Variants in RIDA observed in about 807,000 individuals in gnomAD.
RIDA encodes reactive intermediate imine deaminase A.
RIDA carries 17 observed loss-of-function variants against 17.8 expected under a neutral mutation model. The ratio of observed to expected loss-of-function variants is 0.96; its 90% CI spans 0.65 to 1.43. The LOEUF is 1.43. RIDA is among the 40% of genes most tolerant of loss of function. The pLI, the probability that RIDA is intolerant of heterozygous loss-of-function variation, is 0.00. For synonymous variants in RIDA, 48 were observed against 55.7 expected, an observed-to-expected ratio of 0.86 and a Z score of 0.62; for missense variants, 158 against 161.7, an observed-to-expected ratio of 0.98 and a Z score of 0.12.
intron 5 of RIDA, among the ~76,000 whole-genome samples, chr8:98,104,056 CT>C (rs772930431): frequency 6.7e-6 from 1 of 149,510 alleles, no homozygotes; most frequent in Non-Finnish European, 1.5e-5. Context: ...CTTTAAGTCC[CT>C]GGGGAAGCAG....
chr8:98,111,554 C>T (rs538778245), intron 1 of RIDA, among the ~76,000 whole-genome samples: 2 of 148,708 alleles, frequency 1.3e-5, no homozygotes. Flanking sequence ...TGTAGTAAGC[C>T]AAGATCACGT....
Position 98,102,818 on chromosome 8 carries a change from C to A in RIDA, c.*24G>T. ...GTAAAAATTAAAATGTTAACAATTC[C>A]AGACTACACAGCACTGGGCCCACTT... On this transcript the variant is annotated 3_prime_UTR_variant, in exon 6 of 6. Transcript: ENST00000254878. 6.6e-7 allele frequency: 1 copy of A among 1,516,520 alleles called. No homozygotes were observed. The highest frequency in any genetic ancestry group is 9.0e-7 in the Non-Finnish European group (1 of 1,114,392). 93.9% of individuals were successfully genotyped at this position (1,516,520 alleles called of 1,614,324 possible).
At chr8:98,104,700 T>C (rs1455274415) in intron 4 of RIDA, among the ~76,000 whole-genome samples, 156 bp from the exon 5 acceptor site, 1 of 152,192 alleles carries the variant, frequency 6.6e-6, no homozygotes, top group Non-Finnish European at 1.5e-5. Context: ...AGTTCTTAGA[T>C]ATAAGCAACA....
intron 1 of RIDA, 112 bp from the exon 2 acceptor site, chr8:98,108,863 G>A: frequency 1.1e-5 from 7 of 614,798 alleles, no homozygotes; most frequent in South Asian, 2.0e-5. Context: ...AAAAAAAACA[G>A]ATACATTGGA....
intron 1 of RIDA, among the ~76,000 whole-genome samples, chr8:98,112,374 G>C (rs1461283862): frequency 2.0e-5 from 3 of 152,158 alleles, no homozygotes. Flanking sequence ...TAAACTCCTT[G>C]AGGTCAGGGT....
chr8:98,116,956 G>T, intron 1 of RIDA, 76 bp downstream of exon 1: 2 of 1,191,542 alleles, frequency 1.7e-6, no homozygotes, highest in Middle Eastern at 2.1e-4. Flanking sequence ...TGGGGCTCCG[G>T]CCCGGAGTGG....
chr8:98,102,854 C>T lies in RIDA; in HGVS notation c.402G>A (p.Thr134=), dbSNP rs11537947. 0.067 allele frequency: 107,785 copies of T among 1,610,618 alleles called. 4,252 individuals carry two copies. The highest frequency in any genetic ancestry group is 0.18 in the Middle Eastern group (1,086 of 6,054). ...GCACTGGGCCCACTTATAGTGATGCCGTTGTCAGTGGTCCTTGGATAGCTA... is the reference window on the plus strand; with the variant it reads ...GCACTGGGCCCACTTATAGTGATGCTGTTGTCAGTGGTCCTTGGATAGCTA... ...EAVAIQGPLT[T]ASL Residue 134 remains threonine (T), a synonymous_variant, in exon 6 of 6, where the codon ACG becomes ACA. Transcript: ENST00000254878.
In RIDA at chr8:98,113,343, CAA is replaced by C. The variant is rs141484566; in HGVS notation, c.65+3687_65+3688del. On this transcript the variant is annotated intron_variant, in intron 1 of 5. Transcript: ENST00000254878. ...CTTCCTGGAGAGGACCCAGGATTTTCAAAAAGTGTACTCACTACACACTCCAC... is the reference window on the plus strand; with the variant it reads ...CTTCCTGGAGAGGACCCAGGATTTTCAAAGTGTACTCACTACACACTCCAC... Among the ~76,000 whole-genome samples the C allele has an allele frequency of 4.2e-3, 640 of 152,262 alleles. 2 individuals carry two copies. The highest frequency in any genetic ancestry group is 0.014 in the African/African-American group (588 of 41,550).
Position 98,117,075 on chromosome 8 carries a change from C to T in RIDA, c.22G>A (p.Val8Met). ...CCTGGGGCTTTCGCGGTGCTGATCA[C>T]CCTTCTGATCAAGGACGACATGGCT... is the stretch of plus-strand genomic sequence containing the variant. Reference protein sequence around the residue: MSSLIRRVISTAKAPGAI... With the variant: MSSLIRRMISTAKAPGAI... The change falls in exon 1 of 6, where the codon GTG (valine) becomes ATG (methionine). Residue 8 changes from valine to methionine, a missense_variant. By Grantham distance (21) the Val-to-Met change is conservative. Coordinates refer to ENST00000254878, the MANE Select transcript of RIDA (RefSeq NM_005836.3). 6.2e-7 allele frequency: 1 copy of T among 1,614,152 alleles called. No individual in the cohort carries two copies. The highest frequency in any genetic ancestry group is 8.5e-7 in the Non-Finnish European group (1 of 1,179,970).
intron 1 of RIDA, chr8:98,113,627 C>T (rs1451039789): frequency 2.0e-5 from 3 of 152,158 alleles, no homozygotes; most frequent in Non-Finnish European, 2.9e-5. Context: ...AGACAGTTGA[C>T]TCCCACCTAC....
intron 1 of RIDA, among the ~76,000 whole-genome samples, chr8:98,112,613 A>G (rs929439445): frequency 1.2e-4 from 18 of 152,244 alleles, no homozygotes; most frequent in Admixed American, 3.9e-4. Flanking sequence ...GAAAGTCTAG[A>G]AAGTCTTCTC....
Position 98,102,685 on chromosome 8 carries a change from A to G in RIDA, c.*157T>C, listed in dbSNP as rs1815575499. Reference sequence around the variant, plus strand: ...ATTCCTTCTCTAATATTCATGTTCAACTCTCCCTATTACATGGTATTTCCA... The same window carrying G: ...ATTCCTTCTCTAATATTCATGTTCAGCTCTCCCTATTACATGGTATTTCCA... On this transcript the variant is annotated 3_prime_UTR_variant, in exon 6 of 6. Coordinates refer to ENST00000254878, the MANE Select transcript of RIDA (RefSeq NM_005836.3). The G allele has an allele frequency of 1.9e-6, 1 of 525,600 alleles. No individual in the cohort carries two copies. The allele number at this position is 525,600 out of a possible 1,614,324, so 32.6% of individuals were successfully genotyped here.
intron 2 of RIDA, 80 bp downstream of exon 2, chr8:98,108,566 T>TC (rs77539382): frequency 0.28 from 248,024 of 876,478 alleles, 36,929 homozygotes; most frequent in Non-Finnish European, 0.31. Flanking sequence ...ATAAAACAAA[T>TC]CAGGCAAGTG....
At chr8:98,111,973 T>C (rs935473816) in intron 1 of RIDA, among the ~76,000 whole-genome samples, 2 of 152,164 alleles carry the variant, frequency 1.3e-5, no homozygotes, top group African/African-American at 4.8e-5. Context: ...AAAACAAATA[T>C]ATATTTTCTC....
At chr8:98,108,870 T>TG (rs1815674323) in intron 1 of RIDA, 119 bp from the exon 2 acceptor site, 7 of 612,252 alleles carry the variant, frequency 1.1e-5, no homozygotes, top group Non-Finnish European at 2.0e-5. Flanking sequence ...ACAGATACAT[T>TG]GGACTTCATG....
chr8:98,111,981 C>A (rs1586216997), intron 1 of RIDA, among the ~76,000 whole-genome samples: 1 of 151,904 alleles, frequency 6.6e-6, no homozygotes. Context: ...TATATATTTT[C>A]TCTCTTCTTT....
chr8:98,103,641 AT>A (rs372281324), intron 5 of RIDA, among the ~76,000 whole-genome samples: 106 of 146,184 alleles, frequency 7.3e-4, no homozygotes, highest in Admixed American at 1.2e-3. Flanking sequence ...TTTTCTCACA[AT>A]TTTTTTTTTT....
At chr8:98,109,283 C>T (rs983887226) in intron 1 of RIDA, among the ~76,000 whole-genome samples, 1 of 151,898 alleles carries the variant, frequency 6.6e-6, no homozygotes, top group Non-Finnish European at 1.5e-5. Flanking sequence ...AATAAAGTAC[C>T]TATATCCAGA....
intron 1 of RIDA, among the ~76,000 whole-genome samples, chr8:98,110,457 G>A (rs561343628): frequency 6.6e-6 from 1 of 152,024 alleles, no homozygotes; most frequent in African/African-American, 2.4e-5. Context: ...ATGGGGTTTT[G>A]CCATGTTGGC....
Sources: allele counts gnomAD v4.1 joint callset (sites outside exome capture counted in the v4.1 genomes callset), GRCh38; gene constraint gnomAD v4.1.1; transcripts MANE v1.5; gene names NCBI Gene and HGNC (gene_info 2026-07-23, HGNC 2026-07-21).